Variants in SFMBT2 observed in about 807,000 individuals in gnomAD.
The protein encoded by SFMBT2 is scm-like with four MBT domains protein 2.
A neutral mutation model predicts 110.1 loss-of-function variants in SFMBT2; 38 were observed. The observed-to-expected ratio is 0.35, with a 90% CI of 0.27 to 0.45. SFMBT2 has a LOEUF of 0.45. SFMBT2 is among the 20% of genes least tolerant of loss of function. SFMBT2 has a pLI of 1.00. For synonymous variants in SFMBT2, 425 were observed against 425.4 expected (o/e 1.00, Z 0.01); for missense variants, 1,011 against 1,094.9 (o/e 0.92, Z 1.08).
chr10:7,325,026 G>T (rs1843335996), intron 4 of SFMBT2, among the ~76,000 whole-genome samples: 1 of 133,864 alleles, frequency 7.5e-6, no homozygotes, highest in South Asian at 2.3e-4. Context: ...GGAGTGCAAT[G>T]GCACGATCTC....
chr10:7,367,927 C>G lies in SFMBT2; in HGVS notation c.196-38G>C, dbSNP rs376486459. 4 of 1,605,468 alleles carry G rather than the reference C, an allele frequency of 2.5e-6. No individual in the cohort carries two copies. In the African/African-American group the frequency reaches 5.4e-5, roughly 22 times the overall value. On this transcript the variant is annotated intron_variant, in intron 3 of 20. Transcript: ENST00000397167. The surrounding 1 kb of genome is among the most constrained non-coding windows in gnomAD (Gnocchi z 6.2). ...GAAATAGAGAAAACCCATTACTACA[C>G]TAGACACAATACATCCAGAAGATGA...
Position 7,162,485 on chromosome 10 carries a change from C to T in SFMBT2, c.*1285G>A, listed in dbSNP as rs1564360173. 1 of 152,248 alleles carries T rather than the reference C, an allele frequency of 6.6e-6. No homozygotes were observed. Among genetic ancestry groups the T allele is most frequent in the Non-Finnish European group, 1.5e-5 (1 of 68,094 alleles). 9.4% of individuals were successfully genotyped at this position (152,248 alleles called of 1,614,324 possible). On this transcript the variant is annotated 3_prime_UTR_variant, in exon 21 of 21. Coordinates refer to ENST00000397167, the MANE Select transcript of SFMBT2 (RefSeq NM_001387889.1). ...AGTGGCTGACTCCAGATTCACTGCT[C>T]CTGCTGCATCATGCCTGGTTCATAT...
chr10:7,177,120 G>A (rs1335140333), intron 16 of SFMBT2, among the ~76,000 whole-genome samples: 1 of 152,156 alleles, frequency 6.6e-6, no homozygotes, highest in Non-Finnish European at 1.5e-5. Flanking sequence ...TTTCTCCGAA[G>A]CAGTAAATCG....
At chr10:7,262,629 A>G (rs1057382292) in intron 7 of SFMBT2, among the ~76,000 whole-genome samples, 4 of 152,220 alleles carry the variant, frequency 2.6e-5, no homozygotes, top group Admixed American at 2.6e-4. Context: ...TTAAATTCTT[A>G]ACGTTTAGGA....
At chr10:7,236,019 A>G (rs949257765) in intron 9 of SFMBT2, among the ~76,000 whole-genome samples, 1 of 152,166 alleles carries the variant, frequency 6.6e-6, no homozygotes, top group African/African-American at 2.4e-5. Flanking sequence ...CAAAAGTCAT[A>G]TCTTACACAA....
At position 7,310,404 on chromosome 10, in the gene SFMBT2, T is replaced by C. The variant is rs559770254; in HGVS notation, c.437-24450A>G. ...TTAGTGCACCCCGTGCCCAAGGCAC[T>C]TACCTTCCTGAGCTGAAAGGTGAAC... On this transcript the variant is annotated intron_variant, in intron 4 of 20. Transcript: ENST00000397167. Among the ~76,000 whole-genome samples, 12 of 152,326 alleles carry C rather than the reference T, an allele frequency of 7.9e-5. No individual in the cohort carries two copies. In the South Asian group the frequency reaches 2.3e-3, roughly 29 times the overall value.
Position 7,170,917 on chromosome 10 carries a change from A to G in SFMBT2, c.2544+11T>C, listed in dbSNP as rs767965917. ...GCACATCAAACAATCGACACGCGGC[A>G]ACCACCGTACCTGCTCCTGAAATAT... On this transcript the variant is annotated intron_variant, in intron 20 of 20. Coordinates refer to ENST00000397167, the MANE Select transcript of SFMBT2 (RefSeq NM_001387889.1). The surrounding 1 kb of genome is among the most constrained non-coding windows in gnomAD (Gnocchi z 4.6). 1 of 1,613,924 alleles carries G rather than the reference A, an allele frequency of 6.2e-7. No homozygotes were observed.
At chr10:7,278,791 G>A (rs1841858468) in intron 6 of SFMBT2, among the ~76,000 whole-genome samples, 1 of 152,100 alleles carries the variant, frequency 6.6e-6, no homozygotes, top group Admixed American at 6.5e-5. Context: ...GGGATGCCCT[G>A]AGACAGAAGA....
In SFMBT2 at chr10:7,401,676, C is replaced by A. The variant is rs114450764; in HGVS notation, c.-52+9185G>T. Among the ~76,000 whole-genome samples the A allele has an allele frequency of 7.6e-3, 1,164 of 152,276 alleles. 10 individuals are homozygous for A. The highest frequency in any genetic ancestry group is 0.026 in the African/African-American group (1,094 of 41,558). On this transcript the variant is annotated intron_variant, in intron 1 of 20. Coordinates refer to ENST00000397167, the MANE Select transcript of SFMBT2 (RefSeq NM_001387889.1). ...GCTCAGGATCAACCCTGATCTTCCT[C>A]CCCAAAACCTCCTTCCAAAGACTCC...
intron 1 of SFMBT2, among the ~76,000 whole-genome samples, chr10:7,384,448 T>C (rs1015279194): frequency 6.6e-6 from 1 of 150,814 alleles, no homozygotes; most frequent in African/African-American, 2.4e-5. Flanking sequence ...GTTTGCTTCG[T>C]TCATAATGAA....
intron 4 of SFMBT2, among the ~76,000 whole-genome samples, chr10:7,287,985 A>G (rs1842146649): frequency 1.3e-5 from 2 of 152,374 alleles, no homozygotes; most frequent in East Asian, 1.9e-4. Flanking sequence ...AAATATAACC[A>G]ACCCAGGTAC....
At chr10:7,263,432 GGGTTTCACCATGTTAGCCA>G (rs1446239872) in intron 7 of SFMBT2, among the ~76,000 whole-genome samples, 27 of 152,140 alleles carry the variant, frequency 1.8e-4, no homozygotes, top group African/African-American at 6.0e-4. Flanking sequence ...AGTAGAGACA[GGGTTTCACCATGTTAGCCA>G]GGCTGGTCTC....
At chr10:7,300,131 A>G (rs1842516603) in intron 4 of SFMBT2, among the ~76,000 whole-genome samples, 1 of 152,154 alleles carries the variant, frequency 6.6e-6, no homozygotes, top group South Asian at 2.1e-4. Context: ...ACACATGGAC[A>G]CAGAGAGGAG....
intron 4 of SFMBT2, among the ~76,000 whole-genome samples, chr10:7,291,036 C>A (rs1842248475): frequency 6.6e-6 from 1 of 151,932 alleles, no homozygotes; most frequent in South Asian, 2.1e-4. Flanking sequence ...GAGTATAAAG[C>A]CCTTGGTCAG....
At chr10:7,289,900 C>G (rs1327677599) in intron 4 of SFMBT2, among the ~76,000 whole-genome samples, 1 of 152,204 alleles carries the variant, frequency 6.6e-6, no homozygotes, top group Non-Finnish European at 1.5e-5. Flanking sequence ...AGCTAATTGG[C>G]ATTGCTCAGT....
intron 14 of SFMBT2, 107 bp from the exon 15 acceptor site, chr10:7,197,794 A>AG (rs1362279008): frequency 6.9e-7 from 1 of 1,444,980 alleles, no homozygotes; most frequent in Non-Finnish European, 9.2e-7. Flanking sequence ...GACCACACAG[A>AG]GCTGTCCGAG....
In SFMBT2 at chr10:7,170,763, C is replaced by T. The variant is rs1044792080; in HGVS notation, c.2544+165G>A. 3.9e-5 allele frequency among the ~76,000 whole-genome samples: 6 copies of T among 152,158 alleles called. No individual in the cohort carries two copies. Among genetic ancestry groups the T allele is most frequent in the African/African-American group, 1.4e-4 (6 of 41,432 alleles). On this transcript the variant is annotated intron_variant, in intron 20 of 20. Coordinates refer to ENST00000397167, the MANE Select transcript of SFMBT2 (RefSeq NM_001387889.1). This position sits in a 1 kb window ranked among gnomAD's most constrained non-coding sequence, Gnocchi z 4.6. Reference sequence around the variant, plus strand: ...GGCTCTGTCTCTCGTCCCTGCCAGGCAGCTCTCAGCAGGGGCCTTGGAGGG... The same window carrying T: ...GGCTCTGTCTCTCGTCCCTGCCAGGTAGCTCTCAGCAGGGGCCTTGGAGGG...
Position 7,390,006 on chromosome 10 carries a change from G to C in SFMBT2, c.-51-8057C>G, listed in dbSNP as rs115233549. ...CACGAGTGAGAAAGAACATGCATTA[G>C]ATATTACTCTTCAACTAGCCAAACA... On this transcript the variant is annotated intron_variant, in intron 1 of 20. Transcript: ENST00000397167. 1.4e-3 allele frequency among the ~76,000 whole-genome samples: 215 copies of C among 152,286 alleles called. 1 individual carries two copies. Among genetic ancestry groups the C allele is most frequent in the African/African-American group, 4.9e-3 (204 of 41,562 alleles).
rs375196521 is a variant in SFMBT2 at position 7,382,641 on chromosome 10, C to T, written c.-51-692G>A. Among the ~76,000 whole-genome samples, 9 of 152,158 alleles carry T rather than the reference C, an allele frequency of 5.9e-5. No homozygotes were observed. In the East Asian group the frequency reaches 7.7e-4, roughly 13 times the overall value. On this transcript the variant is annotated intron_variant, in intron 1 of 20. Transcript: ENST00000397167. ...GCTATGTAGCAGCAACCTCCACCCC[C>T]CACACAACCTCAGCATCCCACGCGC... is the stretch of plus-strand genomic sequence containing the variant.
Sources: allele counts gnomAD v4.1 joint callset (sites outside exome capture counted in the v4.1 genomes callset), GRCh38; gene constraint gnomAD v4.1.1; non-coding constraint Gnocchi (gnomAD v3.1); transcripts MANE v1.5; gene names NCBI Gene and HGNC (gene_info 2026-07-23, HGNC 2026-07-21).